Variants in DNAJC18 observed in about 807,000 individuals in gnomAD.
The protein encoded by DNAJC18 is DnaJ heat shock protein family (Hsp40) member C18.
In DNAJC18, 40 loss-of-function variants were observed where a neutral mutation model predicts 48.6. The ratio of observed to expected loss-of-function variants is 0.82; its 90% CI spans 0.64 to 1.07. DNAJC18 has a LOEUF of 1.07. Among genes scored for constraint, DNAJC18 ranks in the 50% least tolerant of loss-of-function variants. The pLI is 0.00. For synonymous variants in DNAJC18, 135 were observed against 152.2 expected (o/e 0.89, Z 0.83); for missense variants, 340 against 427.7 (o/e 0.79, Z 1.81).
intron 2 of DNAJC18, among the ~76,000 whole-genome samples, chr5:139,430,097 C>T (rs759744799): frequency 6.6e-6 from 1 of 152,008 alleles, no homozygotes; most frequent in African/African-American, 2.4e-5. Flanking sequence ...ATGCATGGTA[C>T]AGGAAGCGAA....
intron 5 of DNAJC18, among the ~76,000 whole-genome samples, chr5:139,423,774 CT>C: frequency 1.3e-5 from 2 of 151,744 alleles, no homozygotes; most frequent in Middle Eastern, 6.8e-3. Context: ...AATCTGAAAT[CT>C]GAAATACTAC....
chr5:139,437,280 C>A, intron 2 of DNAJC18, 92 bp downstream of exon 2: 1 of 1,386,490 alleles, frequency 7.2e-7, no homozygotes, highest in Non-Finnish European at 9.6e-7. Context: ...TCATCATCAT[C>A]ATTATCATCA....
At chr5:139,420,448 A>G (rs545943086) in intron 6 of DNAJC18, 4 of 501,894 alleles carry the variant, frequency 8.0e-6, no homozygotes, top group Admixed American at 4.3e-5. Flanking sequence ...CAGCTTCAGC[A>G]TAGTTTATTC....
intron 3 of DNAJC18, among the ~76,000 whole-genome samples, chr5:139,427,045 G>A (rs374939707): frequency 2.0e-5 from 3 of 152,254 alleles, no homozygotes; most frequent in Admixed American, 1.3e-4. Context: ...TCACTTGAGT[G>A]CAATAGTTTA....
chr5:139,438,106 G>T lies in DNAJC18; in HGVS notation c.41-548C>A, dbSNP rs557586034. 1.2e-3 allele frequency among the ~76,000 whole-genome samples: 183 copies of T among 152,220 alleles called. 2 individuals carry two copies. The highest frequency in any genetic ancestry group is 4.2e-3 in the African/African-American group (174 of 41,520). ...CCAAGGCGGGCGGATCACGAGGTCA[G>T]GAGATCGAGACCATCCTGGCTAACA... On this transcript the variant is annotated intron_variant, in intron 1 of 7. Transcript: ENST00000302060.
At chr5:139,428,708 G>A (rs769119515) in intron 2 of DNAJC18, 25 bp from the exon 3 acceptor site, 4 of 1,594,578 alleles carry the variant, frequency 2.5e-6, no homozygotes, top group South Asian at 1.1e-5. Flanking sequence ...AAGCATGTAT[G>A]TCTATAAAGG....
intron 6 of DNAJC18, 56 bp downstream of exon 6, chr5:139,422,652 T>C (rs966111033): frequency 7.6e-7 from 1 of 1,311,148 alleles, no homozygotes; most frequent in African/African-American, 1.5e-5. Flanking sequence ...AGCAAAACCT[T>C]CAAGTCTTTC....
chr5:139,422,760 CAG>C lies in DNAJC18; in HGVS notation c.725_726del (p.Ser242CysfsTer9). The C allele has an allele frequency of 6.2e-7, 1 of 1,610,386 alleles. No homozygotes were observed. Among genetic ancestry groups the C allele is most frequent in the Non-Finnish European group, 8.5e-7 (1 of 1,178,964 alleles). ...LLPVLVIVII[S>X]VITQLLATNP... is the part of the protein sequence containing the mutation. ...TTAGTAGCCAGCAGCTGAGTAATGA[CAG>C]ATATAATCACAATCACAAGAACTGG... On this transcript the variant is annotated frameshift_variant, in exon 6 of 8. Transcript: ENST00000302060. LOFTEE classifies it high-confidence loss of function.
chr5:139,428,887 T>G (rs1281382318), intron 2 of DNAJC18, among the ~76,000 whole-genome samples: 3 of 152,104 alleles, frequency 2.0e-5, no homozygotes, highest in Non-Finnish European at 4.4e-5. Flanking sequence ...TACTTTTACA[T>G]CTACTATTTA....
chr5:139,414,038 G>T lies in DNAJC18; in HGVS notation c.*110C>A, dbSNP rs1759034037. The T allele has an allele frequency of 4.8e-6, 7 of 1,462,764 alleles. No homozygotes were observed. Among genetic ancestry groups the T allele is most frequent in the Non-Finnish European group, 5.4e-6 (6 of 1,101,712 alleles). The allele number at this position is 1,462,764 out of a possible 1,614,324, so 90.6% of individuals were successfully genotyped here. The stretch of plus-strand genomic sequence containing the variant: ...CCACTCTGCCCAACCAACGAAGTTA[G>T]CAAATAGTAAAGTGTTCATCATTAC... On this transcript the variant is annotated 3_prime_UTR_variant, in exon 8 of 8. Transcript: ENST00000302060.
chr5:139,434,004 G>A (rs571497511), intron 2 of DNAJC18, among the ~76,000 whole-genome samples: 49 of 152,042 alleles, frequency 3.2e-4, no homozygotes, highest in Non-Finnish European at 4.1e-4. Flanking sequence ...CAATTCTCCC[G>A]CCTCAGCCTC....
rs1195595277 is a variant in DNAJC18, at chr5:139,411,404, A to T, written c.*2744T>A. ...ACGTCTCCAATCTGCAGTAATGCTC[A>T]AAGAAACAGTCTAGAGCTGGGTGCC... On this transcript the variant is annotated 3_prime_UTR_variant, in exon 8 of 8. Coordinates refer to ENST00000302060, the MANE Select transcript of DNAJC18 (RefSeq NM_152686.4). The T allele has an allele frequency of 6.6e-6, 1 of 152,258 alleles. No homozygotes were observed. Among genetic ancestry groups the T allele is most frequent in the African/African-American group, 2.4e-5 (1 of 41,462 alleles). The allele number at this position is 152,258 out of a possible 1,614,324, so 9.4% of individuals were successfully genotyped here.
At chr5:139,429,660 C>A (rs960291361) in intron 2 of DNAJC18, among the ~76,000 whole-genome samples, 1 of 152,112 alleles carries the variant, frequency 6.6e-6, no homozygotes, top group Non-Finnish European at 1.5e-5. Context: ...CGTGGTGGCT[C>A]ACTCTTGTAA....
chr5:139,419,535 C>G (rs1015789506), intron 7 of DNAJC18, among the ~76,000 whole-genome samples: 2 of 152,220 alleles, frequency 1.3e-5, no homozygotes, highest in African/African-American at 4.8e-5. Context: ...AAAAGTTAGG[C>G]TGGCTCGATC....
At chr5:139,434,319 A>G (rs868151161) in intron 2 of DNAJC18, among the ~76,000 whole-genome samples, 3 of 147,434 alleles carry the variant, frequency 2.0e-5, no homozygotes, top group South Asian at 4.2e-4. Context: ...TTTTAAAACT[A>G]TTTATTTATT....
In DNAJC18 at chr5:139,411,230, G is replaced by T. The variant is rs1758989189; in HGVS notation, c.*2918C>A. On this transcript the variant is annotated 3_prime_UTR_variant, in exon 8 of 8. Transcript: ENST00000302060. ...TAGGGTTGCTAATCTGGGGACGTGG[G>T]TTCCTTCAAGCTCTTTGTGATGAGA... is the stretch of plus-strand genomic sequence containing the variant. The T allele has an allele frequency of 6.6e-6, 1 of 152,200 alleles. No individual in the cohort carries two copies. The highest frequency in any genetic ancestry group is 1.5e-5 in the Non-Finnish European group (1 of 68,046). The allele number at this position is 152,200 out of a possible 1,614,324, so 9.4% of individuals were successfully genotyped here. A position where few individuals can be genotyped will look rare whatever the true frequency, so the allele number is the denominator to read the frequency against.
At chr5:139,414,903 T>A (rs1759050927) in intron 7 of DNAJC18, among the ~76,000 whole-genome samples, 1 of 152,240 alleles carries the variant, frequency 6.6e-6, no homozygotes, top group Non-Finnish European at 1.5e-5. Flanking sequence ...TCATTTTCTC[T>A]TTATGGTGGA....
At chr5:139,422,675 T>C (rs1759173415) in intron 6 of DNAJC18, 33 bp downstream of exon 6, 4 of 1,496,340 alleles carry the variant, frequency 2.7e-6, no homozygotes, top group Non-Finnish European at 3.7e-6. Flanking sequence ...CCCCAGACTG[T>C]TACTGAGAAA....
chr5:139,413,986 C>T lies in DNAJC18; in HGVS notation c.*162G>A. The T allele has an allele frequency of 1.0e-6, 1 of 1,004,140 alleles. No individual in the cohort carries two copies. Among genetic ancestry groups the T allele is most frequent in the Non-Finnish European group, 1.4e-6 (1 of 705,308 alleles). 62.2% of individuals were successfully genotyped at this position (1,004,140 alleles called of 1,614,324 possible). A position where few individuals can be genotyped will look rare whatever the true frequency, so the allele number is the denominator to read the frequency against. On this transcript the variant is annotated 3_prime_UTR_variant, in exon 8 of 8. Transcript: ENST00000302060. ...CCCCAGGAAGGATCCTGTGAAGACA[C>T]ATCTGGCTCTCGTGCCCATGCTCCT...
Sources: allele counts gnomAD v4.1 joint callset (sites outside exome capture counted in the v4.1 genomes callset), GRCh38; gene constraint gnomAD v4.1.1; transcripts MANE v1.5; gene names NCBI Gene and HGNC (gene_info 2026-07-23, HGNC 2026-07-21).